CD4: variants seen among roughly 807,000 people sequenced by gnomAD.
CD4 encodes CD4 molecule.
CD4 carries 25 observed loss-of-function variants against 50.5 expected under a neutral mutation model. That is an observed-to-expected ratio of 0.49 (90% CI 0.36 to 0.69). The LOEUF is 0.69. Ranked by LOEUF, CD4 falls within the 30% of genes least tolerant of loss-of-function variation. CD4 has a pLI of 0.00. For synonymous variants in CD4, 207 were observed against 221.9 expected (o/e 0.93, Z 0.60); for missense variants, 456 against 548.5 (o/e 0.83, Z 1.68).
rs1316070657 is a variant in CD4, at chr12:6,815,798, C to T, written c.608-258C>T. 7 of 1,451,570 alleles carry T rather than the reference C, an allele frequency of 4.8e-6. No individual in the cohort carries two copies. The Admixed American group carries it at 8.3e-5, about 17-fold the overall frequency. 89.9% of individuals were successfully genotyped at this position (1,451,570 alleles called of 1,614,324 possible). A position where few individuals can be genotyped will look rare whatever the true frequency, so the allele number is the denominator to read the frequency against. On this transcript the variant is annotated intron_variant, in intron 5 of 9. Transcript: ENST00000011653. ...TGTGGTCCAGGAATCCTAAGGACAG[C>T]AAGGATCCCCTGTGGCTGGGCTGCT...
chr12:6,797,803 C>T (rs369732736), intron 1 of CD4, among the ~76,000 whole-genome samples: 5 of 152,312 alleles, frequency 3.3e-5, no homozygotes, highest in South Asian at 2.1e-4. Flanking sequence ...TGTCTCGCCT[C>T]CAGACATAAG....
intron 4 of CD4, 111 bp from the exon 5 acceptor site, chr12:6,814,648 G>A (rs1943038094): frequency 3.4e-6 from 3 of 869,782 alleles, no homozygotes; most frequent in Non-Finnish European, 5.9e-6. Context: ...GGTGCTGGGA[G>A]GAAGGAGATG....
intron 5 of CD4, 71 bp from the exon 6 acceptor site, chr12:6,815,985 C>T (rs1454688954): frequency 5.6e-6 from 9 of 1,597,078 alleles, no homozygotes; most frequent in Non-Finnish European, 7.7e-6. Context: ...GCTGCCTCCA[C>T]ATGCCAACCC....
In CD4 at chr12:6,814,123, A is replaced by G. The variant is rs1165084869; in HGVS notation, c.215-19A>G. 2 of 1,610,844 alleles carry G rather than the reference A, an allele frequency of 1.2e-6. No individual in the cohort carries two copies. Among genetic ancestry groups the G allele is most frequent in the Admixed American group, 3.3e-5 (2 of 59,708 alleles). ...CTCCAGGGCGCCTCAGTCCCCCCCCATATGTCTTCTGCTCCCAGGTCCATC... is the reference window on the plus strand; with the variant it reads ...CTCCAGGGCGCCTCAGTCCCCCCCCGTATGTCTTCTGCTCCCAGGTCCATC... On this transcript the variant is annotated intron_variant, in intron 3 of 9. Coordinates refer to ENST00000011653, the MANE Select transcript of CD4 (RefSeq NM_000616.5).
At chr12:6,811,988 A>C (rs1484740817) in intron 3 of CD4, among the ~76,000 whole-genome samples, 1 of 152,162 alleles carries the variant, frequency 6.6e-6, no homozygotes, top group Non-Finnish European at 1.5e-5. Flanking sequence ...TTTTTTTAAA[A>C]TAATTTTTTT....
chr12:6,812,834 A>G (rs999226546), intron 3 of CD4, among the ~76,000 whole-genome samples: 1 of 150,380 alleles, frequency 6.6e-6, no homozygotes, highest in Non-Finnish European at 1.5e-5. Context: ...CTCTCTCACC[A>G]AGGCTGGAAT....
chr12:6,791,273 C>T lies in CD4; in HGVS notation c.-68+1611C>T, dbSNP rs948295069. ...TATTATTATTTTTGAGACGGAGTCT[C>T]GCTCTCTTGCCCAGGCTGGAGTGCA... On this transcript the variant is annotated intron_variant, in intron 1 of 9. Coordinates refer to ENST00000011653, the MANE Select transcript of CD4 (RefSeq NM_000616.5). Among the ~76,000 whole-genome samples, 7 of 152,286 alleles carry T rather than the reference C, an allele frequency of 4.6e-5. No homozygotes were observed. In the South Asian group the frequency reaches 6.2e-4, roughly 14 times the overall value.
chr12:6,797,301 C>T (rs1432794672), intron 1 of CD4, among the ~76,000 whole-genome samples: 1 of 151,924 alleles, frequency 6.6e-6, no homozygotes, highest in African/African-American at 2.4e-5. Context: ...TTCATCCAAA[C>T]CCTGGACCAA....
Position 6,814,150 on chromosome 12 carries a change from A to G in CD4, c.223A>G (p.Lys75Glu). 1 of 1,613,808 alleles carries G rather than the reference A, an allele frequency of 6.2e-7. No homozygotes were observed. Among genetic ancestry groups the G allele is most frequent in the South Asian group, 1.1e-5 (1 of 91,066 alleles). ...QGSFLTKGPS[K>E]LNDRADSRRS... Reference sequence around the variant, plus strand: ...ATGTCTTCTGCTCCCAGGTCCATCCAAGCTGAATGATCGCGCTGACTCAAG... The same window carrying G: ...ATGTCTTCTGCTCCCAGGTCCATCCGAGCTGAATGATCGCGCTGACTCAAG... Residue 75 changes from lysine to glutamate, a missense_variant, in exon 4 of 10, where the codon AAG (lysine) becomes GAG (glutamate). Transcript: ENST00000011653.
intron 1 of CD4, chr12:6,799,172 T>C (rs1164232234): frequency 6.6e-6 from 1 of 152,162 alleles, no homozygotes; most frequent in East Asian, 1.9e-4. Context: ...AAACAAAAAA[T>C]TGGACATGAC....
chr12:6,816,384 G>C lies in CD4; in HGVS notation c.936G>C (p.Val312=). ...EAKTGKLHQE[V]NLVVMRATQL... ...AAACAGGAAAGTTGCATCAGGAAGTGAACCTGGTGGTGATGAGAGGTGAGG... is the reference window on the plus strand; with the variant it reads ...AAACAGGAAAGTTGCATCAGGAAGTCAACCTGGTGGTGATGAGAGGTGAGG... The change falls in exon 6 of 10, where the codon GTG becomes GTC. Residue 312 remains valine, a synonymous_variant. Transcript: ENST00000011653. This position sits in a 1 kb window ranked among gnomAD's most constrained non-coding sequence, Gnocchi z 4.9. 6.2e-7 allele frequency: 1 copy of C among 1,613,418 alleles called. No homozygotes were observed. The highest frequency in any genetic ancestry group is 8.5e-7 in the Non-Finnish European group (1 of 1,179,600).
chr12:6,812,478 G>A (rs966421710), intron 3 of CD4, among the ~76,000 whole-genome samples: 1 of 152,114 alleles, frequency 6.6e-6, no homozygotes, highest in South Asian at 2.1e-4. Flanking sequence ...TTGGGCATTC[G>A]AGACCAGCCT....
intron 1 of CD4, among the ~76,000 whole-genome samples, chr12:6,794,008 CCTAT>C (rs1465332185): frequency 7.4e-5 from 5 of 67,406 alleles, no homozygotes; most frequent in African/African-American, 2.0e-4. Flanking sequence ...CTATCTATCA[CCTAT>C]CTATCTAATC....
At chr12:6,802,648 A>G (rs1446557102) in intron 3 of CD4, among the ~76,000 whole-genome samples, 3 of 152,056 alleles carry the variant, frequency 2.0e-5, no homozygotes, top group Non-Finnish European at 2.9e-5. Context: ...AATATTATAT[A>G]CATAATTACG....
Position 6,816,310 on chromosome 12 carries a change from T to G in CD4, c.862T>G (p.Leu288Val), listed in dbSNP as rs1943082767. 1 of 1,614,110 alleles carries G rather than the reference T, an allele frequency of 6.2e-7. No individual in the cohort carries two copies. ...LPLHLTLPQA[L>V]PQYAGSGNLT... ...GCTCCACCTCACCCTGCCCCAGGCC[T>G]TGCCTCAGTATGCTGGCTCTGGAAA... The change falls in exon 6 of 10, where the codon TTG (leucine) becomes GTG (valine). Residue 288 changes from leucine to valine, a missense_variant. Leu to Val is a conservative substitution (Grantham distance 32, BLOSUM62 1). Coordinates refer to ENST00000011653, the MANE Select transcript of CD4 (RefSeq NM_000616.5). The surrounding 1 kb of genome is among the most constrained non-coding windows in gnomAD (Gnocchi z 4.9).
In CD4 at chr12:6,818,734, C is replaced by T; in HGVS notation, c.1279-113C>T. ...GAGAGTTAATTCCAGGATAGATGGC[C>T]TGGGCCATGTAACTGCTTCTCCTGT... On this transcript the variant is annotated intron_variant, in intron 8 of 9. Transcript: ENST00000011653. The surrounding 1 kb of genome is among the most constrained non-coding windows in gnomAD (Gnocchi z 5.0). 1 of 1,203,846 alleles carries T rather than the reference C, an allele frequency of 8.3e-7. No individual in the cohort carries two copies. Among genetic ancestry groups the T allele is most frequent in the Non-Finnish European group, 1.2e-6 (1 of 811,744 alleles). The allele number at this position is 1,203,846 out of a possible 1,614,324, so 74.6% of individuals were successfully genotyped here. A position where few individuals can be genotyped will look rare whatever the true frequency, so the allele number is the denominator to read the frequency against.
chr12:6,798,172 CTTT>C (rs1167230229), intron 1 of CD4, among the ~76,000 whole-genome samples: 7 of 139,436 alleles, frequency 5.0e-5, no homozygotes, highest in Middle Eastern at 3.3e-3. Flanking sequence ...AAGAACTTTT[CTTT>C]TTTTTTTTTT....
At chr12:6,814,445 T>A in intron 4 of CD4, 145 bp downstream of exon 4, 2 of 824,872 alleles carry the variant, frequency 2.4e-6, no homozygotes, top group Non-Finnish European at 3.7e-6. Context: ...CCAAATGTCT[T>A]AAAACCCTTC....
At position 6,814,296 on chromosome 12, in the gene CD4, C is replaced by T. The variant is rs11064416; in HGVS notation, c.369C>T (p.Phe123=). ...DQKEEVQLLV[F]GLTANSDTHL... is the part of the protein sequence containing the mutation. ...AGGAGGAGGTGCAATTGCTAGTGTT[C>T]GGATGTGAGTGGGGCAGGTGGGGAT... is the stretch of plus-strand genomic sequence containing the variant. Residue 123 remains phenylalanine, a synonymous_variant, in exon 4 of 10, where the codon TTC becomes TTT. Coordinates refer to ENST00000011653, the MANE Select transcript of CD4 (RefSeq NM_000616.5). 1.8e-3 allele frequency: 2,907 copies of T among 1,613,462 alleles called. 34 individuals carry two copies. In the African/African-American group the frequency reaches 0.033, roughly 18 times the overall value.
Sources: allele counts gnomAD v4.1 joint callset (sites outside exome capture counted in the v4.1 genomes callset), GRCh38; gene constraint gnomAD v4.1.1; non-coding constraint Gnocchi (gnomAD v3.1); transcripts MANE v1.5; gene names NCBI Gene and HGNC (gene_info 2026-07-23, HGNC 2026-07-21).